Variants in TEAD1 observed in about 807,000 individuals in gnomAD.
The protein encoded by TEAD1 is transcriptional enhancer factor TEF-1.
A neutral mutation model predicts 54.9 loss-of-function variants in TEAD1; 9 were observed. The ratio of observed to expected loss-of-function variants is 0.16; its 90% CI spans 0.10 to 0.29. TEAD1 has a LOEUF of 0.29. Among genes scored for constraint, TEAD1 ranks in the 10% least tolerant of loss-of-function variants. The pLI, the probability that TEAD1 is intolerant of heterozygous loss-of-function variation, is 1.00. For synonymous variants in TEAD1, 200 were observed against 187.8 expected (o/e 1.07, Z -0.53); for missense variants, 387 against 535.9 (o/e 0.72, Z 2.74).
At position 12,937,432 on chromosome 11, in the gene TEAD1, G is replaced by A. The variant is rs1304325521; in HGVS notation, c.*210G>A. ...CTATCATTGTAGCTGTGAAGTTCTG[G>A]TACAGTTGTAAAAAGAGAAATTGAG... On this transcript the variant is annotated 3_prime_UTR_variant, in exon 13 of 13. Coordinates refer to ENST00000527636, the MANE Select transcript of TEAD1 (RefSeq NM_021961.6). The A allele has an allele frequency of 8.9e-6, 4 of 451,290 alleles. No homozygotes were observed. Among genetic ancestry groups the A allele is most frequent in the Non-Finnish European group, 1.2e-5 (3 of 247,120 alleles). 28.0% of individuals were successfully genotyped at this position (451,290 alleles called of 1,614,324 possible). A position where few individuals can be genotyped will look rare whatever the true frequency, so the allele number is the denominator to read the frequency against.
At chr11:12,924,747 T>C (rs1948878482) in intron 10 of TEAD1, among the ~76,000 whole-genome samples, 165 bp from the exon 11 acceptor site, 1 of 152,088 alleles carries the variant, frequency 6.6e-6, no homozygotes, top group Non-Finnish European at 1.5e-5. Context: ...GCAAACTCTT[T>C]AAAAAACGAC....
At chr11:12,842,122 AATG>A (rs1371699890) in intron 3 of TEAD1, among the ~76,000 whole-genome samples, 1 of 152,222 alleles carries the variant, frequency 6.6e-6, no homozygotes, top group Non-Finnish European at 1.5e-5. Context: ...AACCTATTAT[AATG>A]ATATATAGCT....
chr11:12,837,995 C>G (rs1946942010), intron 3 of TEAD1, among the ~76,000 whole-genome samples: 1 of 151,984 alleles, frequency 6.6e-6, no homozygotes, highest in South Asian at 2.1e-4. Flanking sequence ...CTGGTTTTCA[C>G]CATGTTGGCC....
At chr11:12,912,592 C>T (rs1015499911) in intron 10 of TEAD1, among the ~76,000 whole-genome samples, 13 of 152,008 alleles carry the variant, frequency 8.6e-5, no homozygotes, top group South Asian at 2.1e-4. Flanking sequence ...GTCACAGGGG[C>T]ATTCACTTCA....
chr11:12,933,801 G>A (rs548602899), intron 12 of TEAD1, among the ~76,000 whole-genome samples: 5 of 152,260 alleles, frequency 3.3e-5, no homozygotes, highest in African/African-American at 7.2e-5. Context: ...AGGCCACCCC[G>A]AGGTCACAGA....
intron 2 of TEAD1, among the ~76,000 whole-genome samples, chr11:12,718,181 G>T (rs183683211): frequency 1.3e-4 from 20 of 152,272 alleles, no homozygotes; most frequent in African/African-American, 4.3e-4. Flanking sequence ...CATCTGTGGG[G>T]ACGTGCCCCA....
intron 4 of TEAD1, among the ~76,000 whole-genome samples, chr11:12,862,539 A>G (rs1453954059): frequency 6.6e-6 from 1 of 152,188 alleles, no homozygotes. Flanking sequence ...CACATGGGAA[A>G]ATGTCACTGC....
intron 2 of TEAD1, among the ~76,000 whole-genome samples, chr11:12,751,449 A>G (rs544234269): frequency 9.5e-4 from 145 of 152,332 alleles, no homozygotes; most frequent in Non-Finnish European, 1.2e-3. Context: ...GTGGGAACAC[A>G]GAGGAGTGGG....
intron 2 of TEAD1, among the ~76,000 whole-genome samples, chr11:12,683,724 A>G (rs1943273363): frequency 6.6e-6 from 1 of 152,188 alleles, no homozygotes; most frequent in Non-Finnish European, 1.5e-5. Flanking sequence ...GTAATGGGCT[A>G]CTACAGATTT....
rs576382572 is a variant in TEAD1 at position 12,861,674 on chromosome 11, C to G, written c.203-576C>G. Among the ~76,000 whole-genome samples, 182 of 152,302 alleles carry G rather than the reference C, an allele frequency of 1.2e-3. 2 individuals are homozygous for G. The highest frequency in any genetic ancestry group is 0.012 in the Admixed American group (180 of 15,296). ...CCACCACCCACAGCATACAAACAGA[C>G]AAAAAGGCACATCTTAAAAAGATAA... On this transcript the variant is annotated intron_variant, in intron 3 of 12. Coordinates refer to ENST00000527636, the MANE Select transcript of TEAD1 (RefSeq NM_021961.6).
At chr11:12,687,852 A>T (rs1319673058) in intron 2 of TEAD1, among the ~76,000 whole-genome samples, 1 of 152,068 alleles carries the variant, frequency 6.6e-6, no homozygotes, top group Non-Finnish European at 1.5e-5. Flanking sequence ...GTGACTGGTT[A>T]TACTCACCGT....
intron 2 of TEAD1, among the ~76,000 whole-genome samples, chr11:12,692,105 G>GT (rs1333085199): frequency 2.6e-5 from 4 of 152,092 alleles, no homozygotes; most frequent in African/African-American, 9.7e-5. Flanking sequence ...TAAGATGAGT[G>GT]TTTTTTATTT....
At chr11:12,726,375 G>A (rs7106453) in intron 2 of TEAD1, among the ~76,000 whole-genome samples, 19,218 of 152,118 alleles carry the variant, frequency 0.13, 4,133 homozygotes, top group African/African-American at 0.44. Flanking sequence ...CTTGGAGACC[G>A]CAGATACTAG....
chr11:12,827,220 C>A (rs12295774), intron 3 of TEAD1, among the ~76,000 whole-genome samples: 12,728 of 152,220 alleles, frequency 0.084, 680 homozygotes, highest in South Asian at 0.17. Flanking sequence ...ACTTACATAT[C>A]CTGACTTTAC....
At chr11:12,713,504 TA>T (rs1386413958) in intron 2 of TEAD1, among the ~76,000 whole-genome samples, 1 of 152,234 alleles carries the variant, frequency 6.6e-6, no homozygotes, top group African/African-American at 2.4e-5. Flanking sequence ...CATTAGATAT[TA>T]AAAGTAGGAC....
At chr11:12,882,836 G>A (rs944503523) in intron 8 of TEAD1, among the ~76,000 whole-genome samples, 165 bp from the exon 9 acceptor site, 7 of 152,190 alleles carry the variant, frequency 4.6e-5, no homozygotes, top group African/African-American at 1.7e-4. Flanking sequence ...CCATCACTGG[G>A]GCCCTCTGCC....
intron 3 of TEAD1, among the ~76,000 whole-genome samples, chr11:12,856,951 C>T (rs1947396132): frequency 6.6e-6 from 1 of 152,168 alleles, no homozygotes; most frequent in South Asian, 2.1e-4. Context: ...CTCTGGGCTA[C>T]AATTTCTAGC....
intron 3 of TEAD1, among the ~76,000 whole-genome samples, chr11:12,828,855 A>G (rs1238351360): frequency 2.1e-5 from 2 of 97,360 alleles, no homozygotes; most frequent in Non-Finnish European, 2.2e-5. Context: ...TTTTTTTTTT[A>G]CCCCGTATTT....
chr11:12,696,300 A>G (rs1012035076), intron 2 of TEAD1, among the ~76,000 whole-genome samples: 11 of 152,350 alleles, frequency 7.2e-5, no homozygotes, highest in East Asian at 1.9e-4. Context: ...AAGTGGGGCT[A>G]TCTGAGCCAA....
Sources: allele counts gnomAD v4.1 joint callset (sites outside exome capture counted in the v4.1 genomes callset), GRCh38; gene constraint gnomAD v4.1.1; transcripts MANE v1.5; gene names NCBI Gene and HGNC (gene_info 2026-07-23, HGNC 2026-07-21).